The following MYO1B variants were observed in gnomAD, a reference collection of about 807,000 sequenced individuals.
The protein encoded by MYO1B is myosin IB.
A neutral mutation model predicts 159.7 loss-of-function variants in MYO1B; 72 were observed. That is an observed-to-expected ratio of 0.45 (90% CI 0.37 to 0.55). The LOEUF (loss-of-function observed/expected upper bound fraction) is 0.55, where lower values mean the gene tolerates loss of function less well. Ranked by LOEUF, MYO1B falls within the 20% of genes least tolerant of loss-of-function variation. The pLI, the probability that MYO1B is intolerant of heterozygous loss-of-function variation, is 0.00. For synonymous variants in MYO1B, 468 were observed against 473.8 expected (o/e 0.99, Z 0.16); for missense variants, 1,062 against 1,364.8 (o/e 0.78, Z 3.50).
chr2:191,417,005 G>T (rs1405003078), intron 30 of MYO1B, among the ~76,000 whole-genome samples: 1 of 152,224 alleles, frequency 6.6e-6, no homozygotes, highest in South Asian at 2.1e-4. Flanking sequence ...CTGAGTTACT[G>T]TGTTGATTAT....
At chr2:191,391,589 G>A (rs1695753540) in intron 18 of MYO1B, among the ~76,000 whole-genome samples, 1 of 152,164 alleles carries the variant, frequency 6.6e-6, no homozygotes, top group Admixed American at 6.5e-5. Flanking sequence ...AAAGACTGAT[G>A]TTGAAACCGG....
chr2:191,255,819 A>G (rs1184698553), intron 1 of MYO1B, among the ~76,000 whole-genome samples: 4 of 151,072 alleles, frequency 2.6e-5, no homozygotes, highest in Admixed American at 2.6e-4. Flanking sequence ...TGCTGCTGCC[A>G]TTGGGTCCTG....
At position 191,414,595 on chromosome 2, in the gene MYO1B, G is replaced by T; in HGVS notation, c.3085G>T (p.Val1029Phe). 1 of 1,613,696 alleles carries T rather than the reference G, an allele frequency of 6.2e-7. No individual in the cohort carries two copies. Among genetic ancestry groups the T allele is most frequent in the Non-Finnish European group, 8.5e-7 (1 of 1,179,828 alleles). Reference sequence around the variant, plus strand: ...AAAGTCTGGACAAATCAAGTCAGAGGTTCCATTGGTGGATGTGACCAAGGT... The same window carrying T: ...AAAGTCTGGACAAATCAAGTCAGAGTTTCCATTGGTGGATGTGACCAAGGT... ...DQKSGQIKSE[V>F]PLVDVTKVSM... is the part of the protein sequence containing the mutation. The change falls in exon 29 of 31, where the codon GTT (valine) becomes TTT (phenylalanine). Residue 1029 changes from valine to phenylalanine, a missense_variant. Transcript: ENST00000392318.
intron 7 of MYO1B, among the ~76,000 whole-genome samples, chr2:191,352,647 A>G (rs1304034124): frequency 3.3e-5 from 5 of 152,214 alleles, no homozygotes; most frequent in Admixed American, 3.3e-4. Flanking sequence ...ATTTGTTCCC[A>G]CAGTGAAATT....
intron 2 of MYO1B, among the ~76,000 whole-genome samples, chr2:191,295,197 A>G (rs1688913386): frequency 6.6e-6 from 1 of 152,042 alleles, no homozygotes; most frequent in Non-Finnish European, 1.5e-5. Flanking sequence ...TGATGTTGAA[A>G]CTGAAGGGGA....
At chr2:191,256,285 C>T (rs920953251) in intron 1 of MYO1B, among the ~76,000 whole-genome samples, 3 of 152,162 alleles carry the variant, frequency 2.0e-5, no homozygotes, top group South Asian at 4.1e-4. Context: ...GTAGCTTAAA[C>T]GGTCTGCCTC....
intron 2 of MYO1B, among the ~76,000 whole-genome samples, chr2:191,288,357 C>T (rs1688505109): frequency 6.6e-6 from 1 of 152,010 alleles, no homozygotes; most frequent in African/African-American, 2.4e-5. Flanking sequence ...TCATGCCCAT[C>T]TTTTTAGACC....
intron 21 of MYO1B, 81 bp downstream of exon 21, chr2:191,396,578 C>G: frequency 7.3e-7 from 1 of 1,365,738 alleles, no homozygotes; most frequent in South Asian, 1.2e-5. Context: ...GGTCACCCTG[C>G]AGAGGAGGGG....
intron 29 of MYO1B, among the ~76,000 whole-genome samples, chr2:191,415,103 A>G (rs1255500813): frequency 2.0e-5 from 3 of 152,328 alleles, no homozygotes; most frequent in African/African-American, 7.2e-5. Context: ...CAGTGGTTAC[A>G]TGTAGGTTCT....
intron 3 of MYO1B, among the ~76,000 whole-genome samples, chr2:191,322,556 T>C (rs1355118850): frequency 6.6e-6 from 1 of 152,120 alleles, no homozygotes; most frequent in Non-Finnish European, 1.5e-5. Flanking sequence ...TATGATTTGA[T>C]AATGGTCAGG....
At chr2:191,334,780 T>C (rs2125930236) in intron 4 of MYO1B, among the ~76,000 whole-genome samples, 1 of 152,344 alleles carries the variant, frequency 6.6e-6, no homozygotes, top group South Asian at 2.1e-4. Flanking sequence ...AGAGCATTGC[T>C]TCTCAAATCT....
chr2:191,394,900 A>G (rs2126112025), intron 20 of MYO1B, among the ~76,000 whole-genome samples: 2 of 152,322 alleles, frequency 1.3e-5, no homozygotes, highest in East Asian at 3.9e-4. Flanking sequence ...TAGAGAATGC[A>G]TTAACTTTGT....
At chr2:191,415,773 C>T (rs1162309154) in intron 29 of MYO1B, among the ~76,000 whole-genome samples, 2 of 152,122 alleles carry the variant, frequency 1.3e-5, no homozygotes, top group Non-Finnish European at 1.5e-5. Flanking sequence ...GCTCCTCAAA[C>T]CTGAATGTGT....
intron 5 of MYO1B, among the ~76,000 whole-genome samples, chr2:191,342,020 A>G (rs1223281632): frequency 2.0e-5 from 3 of 152,136 alleles, no homozygotes; most frequent in African/African-American, 2.4e-5. Flanking sequence ...CAAATTCTCT[A>G]TTTAGTTCTC....
chr2:191,364,038 G>T, intron 10 of MYO1B, 120 bp from the exon 11 acceptor site: 2 of 1,224,928 alleles, frequency 1.6e-6, no homozygotes, highest in Non-Finnish European at 2.4e-6. Context: ...GTTTTTTGAT[G>T]TATACATTTT....
chr2:191,294,944 A>C (rs910372674), intron 2 of MYO1B, among the ~76,000 whole-genome samples: 22 of 152,206 alleles, frequency 1.4e-4, no homozygotes, highest in African/African-American at 5.1e-4. Flanking sequence ...TTTTCTAGAA[A>C]TATCTGACAG....
chr2:191,410,324 A>C (rs1351686442), intron 26 of MYO1B, among the ~76,000 whole-genome samples: 1 of 152,136 alleles, frequency 6.6e-6, no homozygotes, highest in Admixed American at 6.5e-5. Flanking sequence ...CAATGCTCAC[A>C]CTTCTTCATG....
chr2:191,321,619 T>C (rs1559166951), intron 3 of MYO1B, among the ~76,000 whole-genome samples: 3 of 152,202 alleles, frequency 2.0e-5, no homozygotes, highest in Admixed American at 6.5e-5. Context: ...GGTTAATTTC[T>C]GGACAGGGGA....
chr2:191,247,835 C>G (rs539262023), intron 1 of MYO1B: 1 of 715,492 alleles, frequency 1.4e-6, no homozygotes, highest in African/African-American at 1.9e-5. Flanking sequence ...GGCCTCTGGC[C>G]GTTCTGGTGG....
Sources: allele counts gnomAD v4.1 joint callset (sites outside exome capture counted in the v4.1 genomes callset), GRCh38; gene constraint gnomAD v4.1.1; transcripts MANE v1.5; gene names NCBI Gene and HGNC (gene_info 2026-07-23, HGNC 2026-07-21).